Variants in PCDHGC4 observed in about 807,000 individuals in gnomAD.
PCDHGC4 encodes protocadherin gamma subfamily C, 4, also known as protocadherin gamma-C4.
In PCDHGC4, 15 loss-of-function variants were observed where a neutral mutation model predicts 59.7. The ratio of observed to expected loss-of-function variants is 0.25; its 90% CI spans 0.17 to 0.39. The LOEUF is 0.39. Among genes scored for constraint, PCDHGC4 ranks in the 10% least tolerant of loss-of-function variants. PCDHGC4 has a pLI of 1.00. For missense variants in PCDHGC4, 1,016 were observed against 1,189.5 expected, an observed-to-expected ratio of 0.85 and a Z score of 2.15; for synonymous variants, 434 against 481.4, an observed-to-expected ratio of 0.90 and a Z score of 1.29.
At chr5:141,505,563 T>C in intron 3 of PCDHGC4, 82 bp downstream of exon 3, 1 of 1,603,814 alleles carries the variant, frequency 6.2e-7, no homozygotes, top group Non-Finnish European at 8.5e-7. Flanking sequence ...GCCCACGGAC[T>C]GGATGTCAAA....
rs1014758036 is a variant in PCDHGC4 at position 141,486,472 on chromosome 5, T to C, written c.1299T>C (p.Pro433=). The C allele has an allele frequency of 6.2e-7, 1 of 1,614,032 alleles. No homozygotes were observed. Among genetic ancestry groups the C allele is most frequent in the Non-Finnish European group, 8.5e-7 (1 of 1,179,862 alleles). ...IMVTASDAGN[P]PLSTHRTIFL... ...TCACTGCTTCTGATGCTGGGAACCC[T>C]CCTCTCAGTACCCACAGAACTATTT... The change falls in exon 1 of 4, where the codon CCT becomes CCC. Residue 433 remains proline (P), a synonymous_variant. Coordinates refer to ENST00000306593, the MANE Select transcript of PCDHGC4 (RefSeq NM_018928.3). This position sits in a 1 kb window ranked among gnomAD's most constrained non-coding sequence, Gnocchi z 5.0.
chr5:141,496,306 C>T (rs1380057886), intron 2 of PCDHGC4, among the ~76,000 whole-genome samples: 1 of 152,202 alleles, frequency 6.6e-6, no homozygotes, highest in South Asian at 2.1e-4. Flanking sequence ...ATAGGCTCTG[C>T]GCCAGGCCTC....
chr5:141,486,017 A>C lies in PCDHGC4; in HGVS notation c.844A>C (p.Ser282Arg), dbSNP rs746747518. 1 of 1,614,176 alleles carries C rather than the reference A, an allele frequency of 6.2e-7. No homozygotes were observed. The highest frequency in any genetic ancestry group is 8.5e-7 in the Non-Finnish European group (1 of 1,180,038). ...CAGTGGTAACGTCACCTTTTATTTC[A>C]GTGGTCATACCCCTGATCGTGTAAG... ...GPSGNVTFYFSGHTPDRVRNL... is the reference protein window; with the variant it reads ...GPSGNVTFYFRGHTPDRVRNL... Residue 282 changes from serine (S) to arginine (R), a missense_variant, in exon 1 of 4, where the codon AGT becomes CGT. Coordinates refer to ENST00000306593, the MANE Select transcript of PCDHGC4 (RefSeq NM_018928.3). This position sits in a 1 kb window ranked among gnomAD's most constrained non-coding sequence, Gnocchi z 5.0.
rs1259021130 is a variant in PCDHGC4 at position 141,485,083 on chromosome 5, G to C, written c.-91G>C. ...GCGCCAGAGCTGGCGCGGGGAAAGG[G>C]AGATAGGTGTCTCCAGCTGCTGTGG... On this transcript the variant is annotated 5_prime_UTR_variant, in exon 1 of 4. Coordinates refer to ENST00000306593, the MANE Select transcript of PCDHGC4 (RefSeq NM_018928.3). The surrounding 1 kb of genome is among the most constrained non-coding windows in gnomAD (Gnocchi z 5.7). The C allele has an allele frequency of 1.0e-6, 1 of 989,386 alleles. No homozygotes were observed. The highest frequency in any genetic ancestry group is 1.6e-5 in the African/African-American group (1 of 61,992). 61.3% of individuals were successfully genotyped at this position (989,386 alleles called of 1,614,324 possible).
At chr5:141,501,809 A>G (rs2099811165) in intron 2 of PCDHGC4, among the ~76,000 whole-genome samples, 1 of 152,176 alleles carries the variant, frequency 6.6e-6, no homozygotes, top group African/African-American at 2.4e-5. Flanking sequence ...ACCCAGCTTC[A>G]CATAATTGGC....
chr5:141,492,787 G>A (rs1308203463), intron 1 of PCDHGC4, among the ~76,000 whole-genome samples: 2 of 152,254 alleles, frequency 1.3e-5, no homozygotes, highest in Admixed American at 6.5e-5. Context: ...AGCCTCTATA[G>A]GACAGCAGGA....
chr5:141,486,894 C>T lies in PCDHGC4; in HGVS notation c.1721C>T (p.Ser574Phe). 1 of 1,614,228 alleles carries T rather than the reference C, an allele frequency of 6.2e-7. No homozygotes were observed. Among genetic ancestry groups the T allele is most frequent in the Non-Finnish European group, 8.5e-7 (1 of 1,180,052 alleles). The change falls in exon 1 of 4, where the codon TCC (serine) becomes TTC (phenylalanine). Residue 574 changes from serine (S) to phenylalanine (F), a missense_variant. Transcript: ENST00000306593. The surrounding 1 kb of genome is among the most constrained non-coding windows in gnomAD (Gnocchi z 5.0). The part of the protein sequence containing the change: ...AVLRPRARPG[S>F]LCPQALPPSV... ...CTCCGTCCTCGGGCCCGGCCTGGTT[C>T]CTTATGTCCCCAAGCACTGCCTCCA...
intron 2 of PCDHGC4, among the ~76,000 whole-genome samples, chr5:141,501,956 A>G (rs527567012): frequency 6.6e-6 from 1 of 152,136 alleles, no homozygotes; most frequent in Non-Finnish European, 1.5e-5. Context: ...GTGACAGGTC[A>G]TCCTCCTAAC....
Position 141,494,880 on chromosome 5 carries a change from C to T in PCDHGC4, c.2501+15C>T. On this transcript the variant is annotated intron_variant, in intron 2 of 3. Transcript: ENST00000306593. ...GGCACCAGCGGGTAGGTGACTGATT[C>T]TCCAGCCCACCCTCTTCTCTGCGGC... 3 of 1,614,158 alleles carry T rather than the reference C, an allele frequency of 1.9e-6. No homozygotes were observed. Among genetic ancestry groups the T allele is most frequent in the Non-Finnish European group, 1.7e-6 (2 of 1,180,012 alleles).
chr5:141,497,596 G>C (rs920597006), intron 2 of PCDHGC4, among the ~76,000 whole-genome samples: 1 of 149,648 alleles, frequency 6.7e-6, no homozygotes, highest in Admixed American at 6.7e-5. Context: ...CTGGAGTGCA[G>C]TGGTGCGATC....
intron 3 of PCDHGC4, among the ~76,000 whole-genome samples, chr5:141,509,049 C>G (rs1384134813): frequency 3.3e-5 from 5 of 152,150 alleles, no homozygotes; most frequent in Non-Finnish European, 5.9e-5. Context: ...TCCCCCGCCC[C>G]CAGAAAGCTC....
chr5:141,511,345 T>TC lies in PCDHGC4; in HGVS notation c.*179dup, dbSNP rs535135679. The TC allele has an allele frequency of 6.6e-4, 924 of 1,410,366 alleles. 3 individuals are homozygous for TC. The African/African-American group carries it at 0.011, about 17-fold the overall frequency. 87.4% of individuals were successfully genotyped at this position (1,410,366 alleles called of 1,614,324 possible). ...AAGTGCCCAGTCAGCACCTACCCCT[T>TC]CCCCCCCAGGGGGTTGAATATGCAA... On this transcript the variant is annotated 3_prime_UTR_variant, in exon 4 of 4. Coordinates refer to ENST00000306593, the MANE Select transcript of PCDHGC4 (RefSeq NM_018928.3).
Position 141,491,329 on chromosome 5 carries a change from G to A in PCDHGC4, c.2443-3478G>A. The A allele has an allele frequency of 6.2e-7, 1 of 1,614,142 alleles. No individual in the cohort carries two copies. Among genetic ancestry groups the A allele is most frequent in the Non-Finnish European group, 8.5e-7 (1 of 1,180,022 alleles). On this transcript the variant is annotated intron_variant, in intron 1 of 3. Coordinates refer to ENST00000306593, the MANE Select transcript of PCDHGC4 (RefSeq NM_018928.3). The surrounding 1 kb of genome is among the most constrained non-coding windows in gnomAD (Gnocchi z 6.9). ...AGACCTTACCCTTTACCTCATTGTG[G>A]CTCTAGCGACCGTCAGTCTCTTATC...
chr5:141,511,342 C>T lies in PCDHGC4; in HGVS notation c.*169C>T. On this transcript the variant is annotated 3_prime_UTR_variant, in exon 4 of 4. Transcript: ENST00000306593. The stretch of plus-strand genomic sequence containing the variant: ...AACAAGTGCCCAGTCAGCACCTACC[C>T]CTTCCCCCCCAGGGGGTTGAATATG... The T allele has an allele frequency of 7.0e-7, 1 of 1,425,078 alleles. No individual in the cohort carries two copies. Among genetic ancestry groups the T allele is most frequent in the East Asian group, 2.5e-5 (1 of 40,014 alleles). 88.3% of individuals were successfully genotyped at this position (1,425,078 alleles called of 1,614,324 possible). A position where few individuals can be genotyped will look rare whatever the true frequency, so the allele number is the denominator to read the frequency against.
intron 2 of PCDHGC4, among the ~76,000 whole-genome samples, chr5:141,496,888 TAA>T (rs35063790): frequency 6.7e-5 from 9 of 134,018 alleles, no homozygotes; most frequent in Non-Finnish European, 4.9e-5. Flanking sequence ...AAGTAACACT[TAA>T]AAAAAAAAAA....
intron 3 of PCDHGC4, among the ~76,000 whole-genome samples, chr5:141,508,738 A>C (rs1596171196): frequency 7.1e-5 from 10 of 141,304 alleles, no homozygotes; most frequent in Admixed American, 1.4e-4. Context: ...TACACCCCCC[A>C]CCCCGCTCTT....
chr5:141,511,489 A>G lies in PCDHGC4; in HGVS notation c.*316A>G. 2.3e-6 allele frequency: 1 copy of G among 435,688 alleles called. No individual in the cohort carries two copies. Among genetic ancestry groups the G allele is most frequent in the Non-Finnish European group, 4.2e-6 (1 of 239,908 alleles). The allele number at this position is 435,688 out of a possible 1,614,324, so 27.0% of individuals were successfully genotyped here. ...CGTTTAGTTACAGCTGAACTCCTCC[A>G]TCTTCCAAATCAATCAGGCCCATCC... On this transcript the variant is annotated 3_prime_UTR_variant, in exon 4 of 4. Coordinates refer to ENST00000306593, the MANE Select transcript of PCDHGC4 (RefSeq NM_018928.3).
At chr5:141,505,344 AGCT>A in intron 2 of PCDHGC4, 46 bp from the exon 3 acceptor site, 1 of 1,613,046 alleles carries the variant, frequency 6.2e-7, no homozygotes, top group South Asian at 1.1e-5. Flanking sequence ...GAGGGGCATG[AGCT>A]GTGCCGGCCT....
chr5:141,501,343 C>T (rs1202291965), intron 2 of PCDHGC4, among the ~76,000 whole-genome samples: 1 of 150,430 alleles, frequency 6.6e-6, no homozygotes, highest in Non-Finnish European at 1.5e-5. Context: ...ACCCCAAACT[C>T]AATAGGGCAA....
Sources: gnomAD v4.1 joint callset for allele counts (sites outside exome capture counted in the v4.1 genomes callset) on GRCh38, gnomAD v4.1.1 for gene constraint, Gnocchi (gnomAD v3.1) non-coding constraint, MANE v1.5 for transcripts, NCBI Gene and HGNC (gene_info 2026-07-23, HGNC 2026-07-21) for gene names.